The following DAP variants were observed in gnomAD, a reference collection of about 807,000 sequenced individuals.
DAP encodes the protein death associated protein.
Under a neutral mutation model 13.8 loss-of-function variants are expected in DAP, and 8 were observed. The ratio of observed to expected loss-of-function variants is 0.58; its 90% CI spans 0.34 to 1.05. DAP has a LOEUF of 1.05. Ranked by LOEUF, DAP falls within the 50% of genes least tolerant of loss-of-function variation. The pLI is 0.03. For missense variants in DAP, 106 were observed against 133.2 expected (o/e 0.80, Z 1.01); for synonymous variants, 47 against 47.5 (o/e 0.99, Z 0.04).
At chr5:10,725,250 C>T (rs903381334) in intron 2 of DAP, among the ~76,000 whole-genome samples, 4 of 152,302 alleles carry the variant, frequency 2.6e-5, no homozygotes, top group East Asian at 1.9e-4. Context: ...TTGTACTTTT[C>T]CAGTCTAATT....
rs1310013823 is a variant in DAP at position 10,702,074 on chromosome 5, A to G, written c.153-18503T>C. On this transcript the variant is annotated intron_variant, in intron 2 of 3. Coordinates refer to ENST00000230895, the MANE Select transcript of DAP (RefSeq NM_004394.3). The stretch of plus-strand genomic sequence containing the variant: ...TGTGTTGCCATAAGAACTTCCCAAC[A>G]TGGCTTTAGGCTTATCACAACACAG... Among the ~76,000 whole-genome samples the G allele has an allele frequency of 2.0e-5, 3 of 152,274 alleles. No homozygotes were observed. The East Asian group carries it at 5.8e-4, about 29-fold the overall frequency.
At chr5:10,713,425 G>C (rs1248394141) in intron 2 of DAP, among the ~76,000 whole-genome samples, 1 of 152,162 alleles carries the variant, frequency 6.6e-6, no homozygotes, top group Non-Finnish European at 1.5e-5. Flanking sequence ...AAGCCCAGGA[G>C]GAGCAGGGAA....
chr5:10,693,013 C>G (rs1738340435), intron 2 of DAP, among the ~76,000 whole-genome samples: 1 of 152,114 alleles, frequency 6.6e-6, no homozygotes, highest in Non-Finnish European at 1.5e-5. Flanking sequence ...CAGGGAGGGT[C>G]CGATGTGCAT....
chr5:10,700,018 C>T (rs80026892), intron 2 of DAP, among the ~76,000 whole-genome samples: 2,333 of 152,358 alleles, frequency 0.015, 47 homozygotes, highest in African/African-American at 0.049. Flanking sequence ...CCTCTCCGAG[C>T]TGAGATGCAC....
chr5:10,717,288 A>G (rs1217427060), intron 2 of DAP, among the ~76,000 whole-genome samples: 1 of 152,220 alleles, frequency 6.6e-6, no homozygotes, highest in Admixed American at 6.5e-5. Flanking sequence ...GAAATTGTGG[A>G]AAAACAGACA....
intron 2 of DAP, among the ~76,000 whole-genome samples, chr5:10,725,476 G>C (rs1739266345): frequency 6.6e-6 from 1 of 152,226 alleles, no homozygotes; most frequent in Non-Finnish European, 1.5e-5. Context: ...GGTGGAGGCA[G>C]GGAGCCTCTG....
intron 2 of DAP, among the ~76,000 whole-genome samples, chr5:10,747,334 C>A (rs1739931097): frequency 6.6e-6 from 1 of 152,194 alleles, no homozygotes. Context: ...AAATCTGAAC[C>A]TTTAAGGAAA....
intron 2 of DAP, among the ~76,000 whole-genome samples, chr5:10,724,813 G>A (rs188896051): frequency 1.4e-4 from 21 of 152,216 alleles, no homozygotes; most frequent in Non-Finnish European, 2.2e-4. Context: ...AAGAGTGCTG[G>A]TGCTCCCCAG....
At chr5:10,752,069 T>C (rs3797143) in intron 1 of DAP, among the ~76,000 whole-genome samples, 24,570 of 152,204 alleles carry the variant, frequency 0.16, 2,188 homozygotes, top group East Asian at 0.31. Context: ...CAACTAACTA[T>C]AAAGAAAACT....
At chr5:10,740,830 A>G (rs75918090) in intron 2 of DAP, among the ~76,000 whole-genome samples, 1 of 152,246 alleles carries the variant, frequency 6.6e-6, no homozygotes, top group Admixed American at 6.5e-5. Context: ...GGGAAGAAAT[A>G]AAGGACACCA....
intron 2 of DAP, 67 bp from the exon 3 acceptor site, chr5:10,683,638 C>T (rs374568311): frequency 1.1e-5 from 17 of 1,499,958 alleles, no homozygotes; most frequent in Admixed American, 6.7e-5. Context: ...CGGTGGCAGA[C>T]GATGTGTATG....
chr5:10,718,277 A>G (rs1027828362), intron 2 of DAP, among the ~76,000 whole-genome samples: 1 of 152,184 alleles, frequency 6.6e-6, no homozygotes, highest in African/African-American at 2.4e-5. Flanking sequence ...TTTAGCTCAG[A>G]TCTGACTTAC....
chr5:10,713,651 A>T (rs866880889), intron 2 of DAP, among the ~76,000 whole-genome samples: 1 of 152,202 alleles, frequency 6.6e-6, no homozygotes, highest in Non-Finnish European at 1.5e-5. Context: ...TCCTGCCCCA[A>T]GCCCTGTGCA....
At chr5:10,747,540 A>T (rs528557152) in intron 2 of DAP, among the ~76,000 whole-genome samples, 4 of 152,350 alleles carry the variant, frequency 2.6e-5, no homozygotes, top group Admixed American at 2.6e-4. Flanking sequence ...CCCCAGCTAC[A>T]CAGACAGCCA....
chr5:10,759,350 G>C (rs1316655466), intron 1 of DAP, among the ~76,000 whole-genome samples: 4 of 152,150 alleles, frequency 2.6e-5, no homozygotes, highest in Admixed American at 2.6e-4. Flanking sequence ...AGCCCTGCCC[G>C]GGGTGGAAAT....
rs915037339 is a variant in DAP, at chr5:10,680,862, C to T, written c.*194G>A. 2.0e-6 allele frequency: 3 copies of T among 1,536,954 alleles called. No individual in the cohort carries two copies. The highest frequency in any genetic ancestry group is 3.9e-5 in the Admixed American group (2 of 51,000). On this transcript the variant is annotated 3_prime_UTR_variant, in exon 4 of 4. Transcript: ENST00000230895. ...TCCTCAAATGACATCCAACCAGACT[C>T]CCCATAAACAAGGTTTGGGCTGGAG...
rs1737964054 is a variant in DAP at position 10,680,751 on chromosome 5, CA to C, written c.*304del. ...TTTTTAAGACCATAGACAAGGACGT[CA>C]GGTGACTGCTGAAATAGAACTAAAG... On this transcript the variant is annotated 3_prime_UTR_variant, in exon 4 of 4. Transcript: ENST00000230895. 1 of 1,536,456 alleles carries C rather than the reference CA, an allele frequency of 6.5e-7. No homozygotes were observed. Among genetic ancestry groups the C allele is most frequent in the East Asian group, 2.4e-5 (1 of 41,056 alleles).
chr5:10,746,079 C>T (rs1314853192), intron 2 of DAP, among the ~76,000 whole-genome samples: 3 of 152,198 alleles, frequency 2.0e-5, no homozygotes, highest in Non-Finnish European at 4.4e-5. Context: ...TGAGACCCCA[C>T]TGGGGGTACT....
At chr5:10,730,541 C>T (rs1739419563) in intron 2 of DAP, among the ~76,000 whole-genome samples, 1 of 150,060 alleles carries the variant, frequency 6.7e-6, no homozygotes, top group African/African-American at 2.5e-5. Flanking sequence ...ATTGAGAGCC[C>T]TGGTAGGGGG....
Sources: allele counts gnomAD v4.1 joint callset (sites outside exome capture counted in the v4.1 genomes callset), GRCh38; gene constraint gnomAD v4.1.1; transcripts MANE v1.5; gene names NCBI Gene and HGNC (gene_info 2026-07-23, HGNC 2026-07-21).